ITFG1: variants seen among roughly 807,000 people sequenced by gnomAD.
ITFG1 encodes the protein T-cell immunomodulatory protein.
Under a neutral mutation model 81.8 loss-of-function variants are expected in ITFG1, and 34 were observed. The observed-to-expected ratio is 0.42, with a 90% CI of 0.32 to 0.55. ITFG1 has a LOEUF of 0.55. Among genes scored for constraint, ITFG1 ranks in the 20% least tolerant of loss-of-function variants. ITFG1 has a pLI of 0.17. For missense variants in ITFG1, 672 were observed against 755.4 expected, an observed-to-expected ratio of 0.89 and a Z score of 1.29; for synonymous variants, 285 against 270.6, an observed-to-expected ratio of 1.05 and a Z score of -0.52.
chr16:47,273,790 G>A (rs182266370), intron 10 of ITFG1, among the ~76,000 whole-genome samples: 7 of 151,584 alleles, frequency 4.6e-5, no homozygotes, highest in Non-Finnish European at 8.8e-5. Flanking sequence ...TAGTTTGTTT[G>A]TTTATTTATT....
At chr16:47,301,542 G>A (rs1022789818) in intron 10 of ITFG1, among the ~76,000 whole-genome samples, 4 of 151,708 alleles carry the variant, frequency 2.6e-5, no homozygotes, top group Admixed American at 6.6e-5. Context: ...GACTACAGGC[G>A]CCTGCCACCA....
intron 10 of ITFG1, among the ~76,000 whole-genome samples, chr16:47,278,398 C>T (rs572555075): frequency 6.6e-6 from 1 of 152,240 alleles, no homozygotes; most frequent in Admixed American, 6.5e-5. Flanking sequence ...TCTTTCCAGG[C>T]ACTGGGACTA....
At position 47,444,409 on chromosome 16, in the gene ITFG1, G is replaced by T. The variant is rs540736310; in HGVS notation, c.560+6987C>A. Among the ~76,000 whole-genome samples, 92 of 152,126 alleles carry T rather than the reference G, an allele frequency of 6.0e-4. 2 individuals carry two copies. The South Asian group carries it at 0.016, about 26-fold the overall frequency. On this transcript the variant is annotated intron_variant, in intron 5 of 17. Transcript: ENST00000320640. ...TAGTCAACTCTGGGGTCTGGCTTTT[G>T]GAGTACTTAGTGTATTGAAAAAAGA...
chr16:47,240,545 G>A (rs898303815), intron 12 of ITFG1, among the ~76,000 whole-genome samples: 4 of 152,066 alleles, frequency 2.6e-5, no homozygotes, highest in Non-Finnish European at 4.4e-5. Flanking sequence ...GAAAAGATGC[G>A]CAACATCATT....
At chr16:47,343,819 C>G (rs1967816284) in intron 8 of ITFG1, among the ~76,000 whole-genome samples, 1 of 152,022 alleles carries the variant, frequency 6.6e-6, no homozygotes, top group African/African-American at 2.4e-5. Flanking sequence ...ATATAATGAC[C>G]TTATATCCCA....
At position 47,193,967 on chromosome 16, in the gene ITFG1, A is replaced by G. The variant is rs374987883; in HGVS notation, c.1453+24901T>C. On this transcript the variant is annotated intron_variant, in intron 14 of 17. Transcript: ENST00000320640. ...TAGAATATGAGTTTTTCCTCAATGA[A>G]GTTAAGAAATAAAGAGAAAACATTT... Among the ~76,000 whole-genome samples the G allele has an allele frequency of 2.7e-3, 414 of 152,344 alleles. 20 individuals carry two copies. In the South Asian group the frequency reaches 0.057, roughly 21 times the overall value.
chr16:47,176,403 G>A (rs1440933235), intron 14 of ITFG1, among the ~76,000 whole-genome samples: 1 of 152,188 alleles, frequency 6.6e-6, no homozygotes, highest in Non-Finnish European at 1.5e-5. Context: ...TTGGAGAACG[G>A]CAAGCTGGAT....
At chr16:47,182,394 A>G (rs1452538492) in intron 14 of ITFG1, among the ~76,000 whole-genome samples, 2 of 152,034 alleles carry the variant, frequency 1.3e-5, no homozygotes, top group African/African-American at 4.8e-5. Flanking sequence ...CTCAAAAAAA[A>G]AAAAAGAAAA....
At chr16:47,365,946 T>C in intron 7 of ITFG1, 77 bp from the exon 8 acceptor site, 1 of 755,330 alleles carries the variant, frequency 1.3e-6, no homozygotes, top group African/African-American at 1.7e-5. Context: ...GCATTCTAAC[T>C]GAACTGGGGA....
rs1309243087 is a variant in ITFG1 at position 47,459,182 on chromosome 16, A to G, written c.209-7T>C. 5.8e-6 allele frequency: 9 copies of G among 1,557,786 alleles called. No individual in the cohort carries two copies. In the African/African-American group the frequency reaches 6.8e-5, roughly 12 times the overall value. Reference sequence around the variant, plus strand: ...AAGACGATTAAGTCATTTCCTAAAGAAAACAAATATATGATATTAGAAAAA... The same window carrying G: ...AAGACGATTAAGTCATTTCCTAAAGGAAACAAATATATGATATTAGAAAAA... On this transcript the variant is annotated splice_polypyrimidine_tract_variant and splice_region_variant and intron_variant, in intron 1 of 17. Transcript: ENST00000320640.
chr16:47,236,922 A>C (rs1965883010), intron 13 of ITFG1, among the ~76,000 whole-genome samples: 2 of 152,212 alleles, frequency 1.3e-5, no homozygotes, highest in Non-Finnish European at 2.9e-5. Flanking sequence ...GTTCTTAGCC[A>C]AAGAGAGCTG....
chr16:47,260,637 C>A lies in ITFG1; in HGVS notation c.1129G>T (p.Ala377Ser). The change falls in exon 11 of 18, where the codon GCG (alanine) becomes TCG (serine). Residue 377 changes from alanine to serine, a missense_variant. Coordinates refer to ENST00000320640, the MANE Select transcript of ITFG1 (RefSeq NM_030790.5). ...CAGTAGACTTTAAACATTCGACGCGCCTCTTCACAGCTTGCATTATTACAA... is the reference window on the plus strand; with the variant it reads ...CAGTAGACTTTAAACATTCGACGCGACTCTTCACAGCTTGCATTATTACAA... The part of the protein sequence containing the change: ...VPCNNASCEE[A>S]RRMFKVYWEL... 2 of 1,614,160 alleles carry A rather than the reference C, an allele frequency of 1.2e-6. No homozygotes were observed. Among genetic ancestry groups the A allele is most frequent in the Non-Finnish European group, 1.7e-6 (2 of 1,180,014 alleles).
chr16:47,174,642 TCCTGAGTAG>T (rs1261761506), intron 14 of ITFG1, among the ~76,000 whole-genome samples: 2 of 152,188 alleles, frequency 1.3e-5, no homozygotes, highest in Non-Finnish European at 2.9e-5. Flanking sequence ...TGCCTCAGCC[TCCTGAGTAG>T]CAGGAATTAG....
upstream of ITFG1, chr16:47,461,104 C>T (rs1969537272): frequency 2.8e-6 from 4 of 1,431,420 alleles, no homozygotes; most frequent in African/African-American, 2.9e-5. Flanking sequence ...AGCCGCAAAG[C>T]ACCGCGTTAC....
chr16:47,352,461 C>G (rs538984093), intron 8 of ITFG1, among the ~76,000 whole-genome samples: 26 of 152,276 alleles, frequency 1.7e-4, no homozygotes, highest in African/African-American at 6.0e-4. Context: ...TGAAAAAATG[C>G]TCATCATCAC....
At chr16:47,170,654 TC>T (rs1964946977) in intron 14 of ITFG1, among the ~76,000 whole-genome samples, 1 of 151,202 alleles carries the variant, frequency 6.6e-6, no homozygotes, top group Non-Finnish European at 1.5e-5. Flanking sequence ...GATCTCAAAC[TC>T]CTGACCTTAG....
intron 5 of ITFG1, among the ~76,000 whole-genome samples, chr16:47,429,812 C>T (rs923533095): frequency 6.6e-6 from 1 of 152,094 alleles, no homozygotes; most frequent in Non-Finnish European, 1.5e-5. Context: ...ATCCATCGAT[C>T]CATCCATTCA....
At chr16:47,321,500 G>A (rs74765795) in intron 8 of ITFG1, among the ~76,000 whole-genome samples, 6,636 of 152,106 alleles carry the variant, frequency 0.044, 206 homozygotes, top group Middle Eastern at 0.092. Context: ...ATATTTTTCA[G>A]AACACATCAT....
intron 6 of ITFG1, among the ~76,000 whole-genome samples, chr16:47,416,130 T>C (rs529455013): frequency 3.9e-5 from 6 of 152,056 alleles, no homozygotes; most frequent in African/African-American, 1.4e-4. Flanking sequence ...AACACCTTTA[T>C]ACTTGTTTAA....
Sources: gnomAD v4.1 joint callset for allele counts (sites outside exome capture counted in the v4.1 genomes callset) on GRCh38, gnomAD v4.1.1 for gene constraint, MANE v1.5 for transcripts, NCBI Gene and HGNC (gene_info 2026-07-23, HGNC 2026-07-21) for gene names.